Variants in RPS6KC1 observed in about 807,000 individuals in gnomAD.
RPS6KC1 encodes the protein inactive ribosomal protein S6 kinase delta-1.
A neutral mutation model predicts 103.8 loss-of-function variants in RPS6KC1; 54 were observed. The ratio of observed to expected loss-of-function variants is 0.52; its 90% CI spans 0.42 to 0.65. The LOEUF is 0.65. RPS6KC1 is among the 30% of genes least tolerant of loss of function. The probability of loss-of-function intolerance (pLI) is 0.00; values close to 1 mark genes in which losing one functional copy is unlikely to be tolerated. For synonymous variants in RPS6KC1, 439 were observed against 438.7 expected (o/e 1.00, Z -0.01); for missense variants, 1,151 against 1,253.8 (o/e 0.92, Z 1.24).
the RPS6KC1 span, among the ~76,000 whole-genome samples, chr1:213,346,726 G>C: frequency 3.3e-5 from 5 of 152,068 alleles, no homozygotes; most frequent in Non-Finnish European, 7.4e-5. Context: ...CATAAAAACT[G>C]TATGTGCACA....
chr1:213,152,561 G>A (rs1353281729), intron 6 of RPS6KC1, among the ~76,000 whole-genome samples: 2 of 150,652 alleles, frequency 1.3e-5, no homozygotes, highest in African/African-American at 2.4e-5. Context: ...CCTCCCAGAC[G>A]GGGTTGCCGC....
At chr1:213,198,653 T>C (rs891666892) in intron 8 of RPS6KC1, among the ~76,000 whole-genome samples, 2 of 152,224 alleles carry the variant, frequency 1.3e-5, no homozygotes, top group Admixed American at 6.5e-5. Flanking sequence ...AAGAATAGAC[T>C]ACTGAGTAAG....
intron 14 of RPS6KC1, among the ~76,000 whole-genome samples, chr1:213,271,888 A>C (rs573674658): frequency 6.6e-6 from 1 of 152,300 alleles, no homozygotes; most frequent in African/African-American, 2.4e-5. Flanking sequence ...ATTATCCTTC[A>C]GTAAAGTTGT....
chr1:213,655,837 C>G, the RPS6KC1 span, among the ~76,000 whole-genome samples: 2 of 152,096 alleles, frequency 1.3e-5, no homozygotes, highest in Non-Finnish European at 2.9e-5. Context: ...GTGCTCCCCC[C>G]AGGATGAATA....
the RPS6KC1 span, among the ~76,000 whole-genome samples, chr1:213,598,413 A>T: frequency 2.0e-5 from 3 of 152,214 alleles, no homozygotes; most frequent in African/African-American, 7.2e-5. Flanking sequence ...CTGAGTTCCA[A>T]TCCCAGCTCT....
At chr1:213,058,729 A>G (rs1010808374) in intron 1 of RPS6KC1, among the ~76,000 whole-genome samples, 6 of 152,100 alleles carry the variant, frequency 3.9e-5, no homozygotes, top group African/African-American at 1.4e-4. Flanking sequence ...AATTATTTTG[A>G]CTACCCTAGT....
the RPS6KC1 span, among the ~76,000 whole-genome samples, chr1:213,366,158 C>T: frequency 4.6e-5 from 7 of 152,196 alleles, no homozygotes; most frequent in African/African-American, 1.7e-4. Context: ...TCACAGTGAT[C>T]CCCCCACAGA....
At chr1:213,635,887 A>G in the RPS6KC1 span, among the ~76,000 whole-genome samples, 1 of 152,210 alleles carries the variant, frequency 6.6e-6, no homozygotes, top group Non-Finnish European at 1.5e-5. Flanking sequence ...CTCAGCCCAA[A>G]TCTCCTAAAG....
At chr1:213,523,219 T>C in the RPS6KC1 span, among the ~76,000 whole-genome samples, 1 of 152,166 alleles carries the variant, frequency 6.6e-6, no homozygotes, top group Non-Finnish European at 1.5e-5. Flanking sequence ...CACACACAAT[T>C]TTTATGGATT....
Position 213,216,729 on chromosome 1 carries a change from A to C in RPS6KC1, c.1045-13768A>C, listed in dbSNP as rs796664750. On this transcript the variant is annotated intron_variant, in intron 8 of 14. Coordinates refer to ENST00000366960, the MANE Select transcript of RPS6KC1 (RefSeq NM_012424.6). ...AGGATTAAGAAACTCACTCAAAACC[A>C]CTCAACTACATGGAAACTGAACAAC... 9.2e-3 allele frequency among the ~76,000 whole-genome samples: 1,399 copies of C among 152,164 alleles called. 40 individuals are homozygous for C. Among genetic ancestry groups the C allele is most frequent in the East Asian group, 0.07 (365 of 5,186 alleles).
At chr1:213,285,018 CAGAA>C in the RPS6KC1 span, among the ~76,000 whole-genome samples, 4 of 152,204 alleles carry the variant, frequency 2.6e-5, no homozygotes, top group Non-Finnish European at 4.4e-5. Context: ...TGGAGAAACT[CAGAA>C]AGTATTTTTC....
At chr1:213,494,827 A>T in the RPS6KC1 span, among the ~76,000 whole-genome samples, 1 of 152,074 alleles carries the variant, frequency 6.6e-6, no homozygotes, top group Non-Finnish European at 1.5e-5. Flanking sequence ...GTAAAGGCTG[A>T]CTATTCCAGG....
At chr1:213,067,355 T>C (rs1438617639) in intron 1 of RPS6KC1, among the ~76,000 whole-genome samples, 2 of 152,236 alleles carry the variant, frequency 1.3e-5, no homozygotes, top group African/African-American at 2.4e-5. Flanking sequence ...GAAGGAACTC[T>C]GATAAAACAA....
chr1:213,562,335 C>T, the RPS6KC1 span, among the ~76,000 whole-genome samples: 1 of 131,172 alleles, frequency 7.6e-6, no homozygotes, highest in African/African-American at 3.0e-5. Flanking sequence ...ATAATATATT[C>T]CGTAAAATTT....
chr1:213,658,761 A>T, the RPS6KC1 span, among the ~76,000 whole-genome samples: 1 of 152,220 alleles, frequency 6.6e-6, no homozygotes, highest in East Asian at 1.9e-4. Flanking sequence ...AATGGTGAGT[A>T]GTGTTTGACC....
chr1:213,604,900 T>C, the RPS6KC1 span, among the ~76,000 whole-genome samples: 1 of 152,212 alleles, frequency 6.6e-6, no homozygotes, highest in Non-Finnish European at 1.5e-5. Flanking sequence ...CAGTAGGAGA[T>C]GGGAAGGGTG....
intron 12 of RPS6KC1, among the ~76,000 whole-genome samples, chr1:213,248,185 A>G (rs750767350): frequency 2.0e-5 from 3 of 152,154 alleles, no homozygotes; most frequent in Non-Finnish European, 2.9e-5. Flanking sequence ...TAATGACATA[A>G]CCAGGAGATA....
chr1:213,063,337 G>A (rs2078011724), intron 1 of RPS6KC1, among the ~76,000 whole-genome samples: 1 of 152,180 alleles, frequency 6.6e-6, no homozygotes, highest in South Asian at 2.1e-4. Context: ...TTATGTCCTG[G>A]AGAGAGCACT....
chr1:213,618,323 C>T, the RPS6KC1 span, among the ~76,000 whole-genome samples: 137 of 152,286 alleles, frequency 9.0e-4, 2 homozygotes, highest in Admixed American at 7.8e-3. Context: ...AATGAGATCA[C>T]GTGCATAAAA....
Sources: gnomAD v4.1 joint callset for allele counts (sites outside exome capture counted in the v4.1 genomes callset) on GRCh38, gnomAD v4.1.1 for gene constraint, MANE v1.5 for transcripts, NCBI Gene and HGNC (gene_info 2026-07-23, HGNC 2026-07-21) for gene names.